The following LINGO2 variants were observed in gnomAD, a reference collection of about 807,000 sequenced individuals.
The protein encoded by LINGO2 is leucine rich repeat and Ig domain containing 2.
LINGO2 carries 14 observed loss-of-function variants against 30.6 expected under a neutral mutation model. That is an observed-to-expected ratio of 0.46 (90% CI 0.30 to 0.72). LINGO2 has a LOEUF of 0.72. Ranked by LOEUF, LINGO2 falls within the 30% of genes least tolerant of loss-of-function variation. The pLI, the probability that LINGO2 is intolerant of heterozygous loss-of-function variation, is 0.07. For synonymous variants in LINGO2, 317 were observed against 288.5 expected, an observed-to-expected ratio of 1.10 and a Z score of -1.00; for missense variants, 729 against 751.7, an observed-to-expected ratio of 0.97 and a Z score of 0.35.
chr9:29,184,579 T>A, the LINGO2 span, among the ~76,000 whole-genome samples: 6 of 152,262 alleles, frequency 3.9e-5, no homozygotes, highest in East Asian at 9.7e-4. Flanking sequence ...TTTAGGTAGT[T>A]GAATCAATTA....
chr9:28,652,747 T>G (rs1416533266), intron 1 of LINGO2, among the ~76,000 whole-genome samples: 2 of 151,866 alleles, frequency 1.3e-5, no homozygotes, highest in African/African-American at 4.8e-5. Flanking sequence ...TCAGGTAGAT[T>G]AAAGGCATCC....
At chr9:29,015,281 G>A in the LINGO2 span, among the ~76,000 whole-genome samples, 1 of 152,206 alleles carries the variant, frequency 6.6e-6, no homozygotes, top group South Asian at 2.1e-4. Flanking sequence ...AATTGCATCT[G>A]TACCACATAA....
intron 4 of LINGO2, among the ~76,000 whole-genome samples, chr9:28,222,411 A>G (rs1237768388): frequency 1.3e-5 from 2 of 152,168 alleles, no homozygotes; most frequent in Non-Finnish European, 2.9e-5. Flanking sequence ...GTGCTAATGC[A>G]TTTCTAACAA....
the LINGO2 span, among the ~76,000 whole-genome samples, chr9:29,001,909 T>G: frequency 1.3e-5 from 2 of 152,044 alleles, no homozygotes; most frequent in Non-Finnish European, 1.5e-5. Flanking sequence ...CTGCATTGGC[T>G]CTGAGGATAA....
chr9:29,158,046 G>C, the LINGO2 span, among the ~76,000 whole-genome samples: 1 of 152,048 alleles, frequency 6.6e-6, no homozygotes, highest in Non-Finnish European at 1.5e-5. Context: ...TTGTTTATAA[G>C]ATTAAGAGAT....
rs1338344602 is a variant in LINGO2, at chr9:28,476,008, C to T, written c.-347G>A. The T allele has an allele frequency of 6.6e-6, 1 of 152,572 alleles. No individual in the cohort carries two copies. Among genetic ancestry groups the T allele is most frequent in the East Asian group, 1.9e-4 (1 of 5,192 alleles). The allele number at this position is 152,572 out of a possible 1,614,324, so 9.5% of individuals were successfully genotyped here. On this transcript the variant is annotated 5_prime_UTR_variant, in exon 2 of 6. The change abolishes an upstream ATG in the 5' untranslated region. Transcript: ENST00000379992. ...CGGTGCTCTGCTCTGAGCTTCTTCT[C>T]ATAACCCTATTTCCAGGCTGCCAAA...
intron 2 of LINGO2, among the ~76,000 whole-genome samples, chr9:28,466,301 C>T (rs537769038): frequency 6.6e-6 from 1 of 152,226 alleles, no homozygotes; most frequent in South Asian, 2.1e-4. Flanking sequence ...GATGGCTGAT[C>T]CCATCATTTG....
At chr9:29,160,242 C>A in the LINGO2 span, among the ~76,000 whole-genome samples, 10 of 152,218 alleles carry the variant, frequency 6.6e-5, no homozygotes, top group African/African-American at 2.2e-4. Flanking sequence ...CACCATTGAC[C>A]GAAGTCTAAC....
chr9:28,252,856 T>C (rs1822253738), intron 4 of LINGO2, among the ~76,000 whole-genome samples: 1 of 152,200 alleles, frequency 6.6e-6, no homozygotes, highest in Non-Finnish European at 1.5e-5. Flanking sequence ...ACAGTGGTTA[T>C]CAAGCTCACA....
At chr9:28,933,163 T>C in the LINGO2 span, among the ~76,000 whole-genome samples, 8 of 152,092 alleles carry the variant, frequency 5.3e-5, no homozygotes, top group Non-Finnish European at 1.2e-4. Flanking sequence ...CACCTCAGCC[T>C]CCCAAAGTGC....
At chr9:28,189,721 AAGGT>A (rs1819746115) in intron 4 of LINGO2, among the ~76,000 whole-genome samples, 1 of 137,846 alleles carries the variant, frequency 7.3e-6, no homozygotes, top group Non-Finnish European at 1.6e-5. Flanking sequence ...GGAAGGAAGG[AAGGT>A]TGGTTCAAAA....
At chr9:28,743,837 G>T in the LINGO2 span, among the ~76,000 whole-genome samples, 1 of 151,538 alleles carries the variant, frequency 6.6e-6, no homozygotes, top group Non-Finnish European at 1.5e-5. Context: ...GAGCTTCTTG[G>T]ATACATAGAA....
the LINGO2 span, among the ~76,000 whole-genome samples, chr9:29,011,641 G>GT: frequency 2.6e-5 from 4 of 152,064 alleles, no homozygotes; most frequent in Non-Finnish European, 4.4e-5. Context: ...AGTTTAATAG[G>GT]TGGCCATGAC....
the LINGO2 span, among the ~76,000 whole-genome samples, chr9:28,959,641 C>CAG: frequency 5.9e-5 from 9 of 151,724 alleles, no homozygotes; most frequent in Admixed American, 2.0e-4. Flanking sequence ...CACACACACA[C>CAG]ACACAGAGAA....
chr9:28,438,547 A>G (rs1824049590), intron 2 of LINGO2, among the ~76,000 whole-genome samples: 1 of 152,130 alleles, frequency 6.6e-6, no homozygotes, highest in African/African-American at 2.4e-5. Flanking sequence ...GTCAGTTTGC[A>G]GAATGTATAT....
At chr9:28,826,213 G>C in the LINGO2 span, among the ~76,000 whole-genome samples, 1 of 152,106 alleles carries the variant, frequency 6.6e-6, no homozygotes, top group Non-Finnish European at 1.5e-5. Context: ...TGTTAACTTA[G>C]GAATGATTTC....
intron 4 of LINGO2, among the ~76,000 whole-genome samples, chr9:28,134,568 G>A (rs1279255661): frequency 6.6e-6 from 1 of 152,008 alleles, no homozygotes; most frequent in Non-Finnish European, 1.5e-5. Context: ...GAGACCCAGA[G>A]GTAGCCGATT....
At chr9:28,910,992 A>G in the LINGO2 span, among the ~76,000 whole-genome samples, 1 of 152,218 alleles carries the variant, frequency 6.6e-6, no homozygotes, top group Non-Finnish European at 1.5e-5. Context: ...TGTCTTTAAC[A>G]TCCAGTCACA....
chr9:28,939,923 C>T, the LINGO2 span, among the ~76,000 whole-genome samples: 2 of 152,114 alleles, frequency 1.3e-5, no homozygotes, highest in African/African-American at 4.8e-5. Context: ...GAATTAAGTT[C>T]TCTTTATTAC....
Sources: allele counts gnomAD v4.1 joint callset (sites outside exome capture counted in the v4.1 genomes callset), GRCh38; gene constraint gnomAD v4.1.1; transcripts MANE v1.5; gene names NCBI Gene and HGNC (gene_info 2026-07-23, HGNC 2026-07-21).